GABRB2: variants seen among roughly 807,000 people sequenced by gnomAD.
GABRB2 encodes the protein gamma-aminobutyric acid receptor subunit beta-2.
A neutral mutation model predicts 54.7 loss-of-function variants in GABRB2; 16 were observed. That is an observed-to-expected ratio of 0.29 (90% CI 0.20 to 0.44). The LOEUF (loss-of-function observed/expected upper bound fraction) is 0.44, where lower values mean the gene tolerates loss of function less well. Among genes scored for constraint, GABRB2 ranks in the 20% least tolerant of loss-of-function variants. The pLI, the probability that GABRB2 is intolerant of heterozygous loss-of-function variation, is 1.00. For synonymous variants in GABRB2, 244 were observed against 233.8 expected (o/e 1.04, Z -0.40); for missense variants, 355 against 644.0 (o/e 0.55, Z 4.86).
At chr5:161,449,721 C>A (rs1410134861) in intron 4 of GABRB2, among the ~76,000 whole-genome samples, 1 of 151,908 alleles carries the variant, frequency 6.6e-6, no homozygotes, top group African/African-American at 2.4e-5. Context: ...CAAATATATA[C>A]AAACATATCT....
At chr5:161,432,145 C>A (rs1279457120) in intron 4 of GABRB2, among the ~76,000 whole-genome samples, 5 of 152,178 alleles carry the variant, frequency 3.3e-5, no homozygotes, top group African/African-American at 1.2e-4. Flanking sequence ...TGCAGTTTCT[C>A]TCAGTCTCCA....
intron 4 of GABRB2, among the ~76,000 whole-genome samples, chr5:161,439,417 G>C (rs1757397389): frequency 6.6e-6 from 1 of 151,780 alleles, no homozygotes. Flanking sequence ...ACTTCCATCA[G>C]AAAAAAGGCC....
chr5:161,326,443 A>T lies in GABRB2; in HGVS notation c.1116T>A (p.Tyr372Ter), dbSNP rs1385758814. 6.2e-7 allele frequency: 1 copy of T among 1,613,696 alleles called. No homozygotes were observed. The highest frequency in any genetic ancestry group is 1.1e-5 in the South Asian group (1 of 91,056). ...TTCCAGTAGGGTCCCACAAGGATCG[A>T]TATTGGGTCCCATTTTGTTTAATAT... is the stretch of plus-strand genomic sequence containing the variant. Reference protein sequence around the residue: ...YKDIKQNGTQYRSLWDPTGNL... With the variant: ...YKDIKQNGTQ The change falls in exon 9 of 10, where the codon TAT becomes TAA. Residue 372 changes from tyrosine (Y) to a stop codon, truncating the protein, a stop_gained. Transcript: ENST00000393959. LOFTEE classifies it high-confidence loss of function.
chr5:161,298,323 T>A lies in GABRB2; in HGVS notation c.1192-3895A>T, dbSNP rs552214984. On this transcript the variant is annotated intron_variant, in intron 9 of 9. Transcript: ENST00000393959. Reference sequence around the variant, plus strand: ...AATTTTGGCTTTTGTTGCCATTACTTTTGGCATTTTAATCATGAAATCTTT... The same window carrying A: ...AATTTTGGCTTTTGTTGCCATTACTATTGGCATTTTAATCATGAAATCTTT... 3.3e-5 allele frequency among the ~76,000 whole-genome samples: 5 copies of A among 152,334 alleles called. No homozygotes were observed. In the South Asian group the frequency reaches 1.0e-3, roughly 32 times the overall value.
chr5:161,405,164 C>G (rs1181120716), intron 5 of GABRB2, among the ~76,000 whole-genome samples: 1 of 152,022 alleles, frequency 6.6e-6, no homozygotes, highest in Admixed American at 6.6e-5. Flanking sequence ...CCACTGCCAT[C>G]CTTCCTAGCC....
intron 4 of GABRB2, among the ~76,000 whole-genome samples, chr5:161,423,251 TTTGTG>T (rs1756901174): frequency 6.6e-6 from 1 of 152,166 alleles, no homozygotes. Context: ...CTTAAACTGT[TTTGTG>T]TTGGGAAAAA....
intron 3 of GABRB2, among the ~76,000 whole-genome samples, chr5:161,460,150 T>C (rs1758075318): frequency 1.3e-5 from 2 of 152,178 alleles, no homozygotes; most frequent in Non-Finnish European, 2.9e-5. Flanking sequence ...TTCACCATGT[T>C]GGACAGGCTG....
At chr5:161,414,223 G>A (rs530842382) in intron 4 of GABRB2, among the ~76,000 whole-genome samples, 3 of 152,256 alleles carry the variant, frequency 2.0e-5, no homozygotes, top group East Asian at 1.9e-4. Context: ...TCATATGGTC[G>A]ATGATGAGTA....
intron 4 of GABRB2, 52 bp downstream of exon 4, chr5:161,459,572 T>G (rs1319791080): frequency 7.1e-7 from 1 of 1,398,604 alleles, no homozygotes; most frequent in African/African-American, 1.4e-5. Flanking sequence ...CAATGAAAAT[T>G]AACAGCTATT....
At chr5:161,419,044 CTGAGCCTTGGAGATCAAGGCTGCAG>C (rs1756768777) in intron 4 of GABRB2, among the ~76,000 whole-genome samples, 2 of 152,096 alleles carry the variant, frequency 1.3e-5, no homozygotes, top group African/African-American at 2.4e-5. Flanking sequence ...GGAGGATCAC[CTGAGCCTTGGAGATCAAGGCTGCAG>C]TGAGCCTTGG....
chr5:161,542,372 T>C (rs1399299939), intron 3 of GABRB2, among the ~76,000 whole-genome samples: 4 of 152,302 alleles, frequency 2.6e-5, no homozygotes, highest in South Asian at 4.1e-4. Flanking sequence ...AAATGCAATG[T>C]TTGCAAGGCA....
At chr5:161,393,622 T>C (rs967007163) in intron 5 of GABRB2, among the ~76,000 whole-genome samples, 1 of 152,066 alleles carries the variant, frequency 6.6e-6, no homozygotes, top group Non-Finnish European at 1.5e-5. Flanking sequence ...TAATATCCTA[T>C]AAAATGCACT....
intron 9 of GABRB2, among the ~76,000 whole-genome samples, chr5:161,312,714 C>A (rs796287034): frequency 2.0e-5 from 3 of 152,094 alleles, no homozygotes; most frequent in South Asian, 4.1e-4. Flanking sequence ...AGCATCGAGT[C>A]GTTTTGGAAA....
intron 9 of GABRB2, among the ~76,000 whole-genome samples, chr5:161,315,107 A>C (rs1757983812): frequency 1.3e-5 from 2 of 152,140 alleles, no homozygotes; most frequent in Admixed American, 6.6e-5. Flanking sequence ...AAATAGGCAA[A>C]ATATTACTGC....
At chr5:161,478,791 T>G (rs1758669196) in intron 3 of GABRB2, among the ~76,000 whole-genome samples, 1 of 152,018 alleles carries the variant, frequency 6.6e-6, no homozygotes, top group Admixed American at 6.6e-5. Context: ...GACTATTTTA[T>G]TTTTTCCTTC....
chr5:161,364,193 T>TAC (rs200984329), intron 5 of GABRB2, among the ~76,000 whole-genome samples: 9 of 152,184 alleles, frequency 5.9e-5, no homozygotes, highest in South Asian at 2.1e-4. Flanking sequence ...TATTTATGAT[T>TAC]ACACACACAC....
At chr5:161,314,557 G>T (rs891150931) in intron 9 of GABRB2, among the ~76,000 whole-genome samples, 1 of 152,102 alleles carries the variant, frequency 6.6e-6, no homozygotes, top group Non-Finnish European at 1.5e-5. Context: ...CTTGCTGGAG[G>T]TATTGTACTT....
intron 4 of GABRB2, among the ~76,000 whole-genome samples, chr5:161,414,696 T>C (rs1417089573): frequency 6.6e-6 from 1 of 151,972 alleles, no homozygotes. Context: ...CTTTGATAAG[T>C]ACCTGGCACA....
chr5:161,356,487 C>A lies in GABRB2; in HGVS notation c.542-19718G>T, dbSNP rs551755359. ...ATGTCCTCATGTTTGGCATGGCTAA[C>A]TTTCCCTGGGTGGACATCTGTTTTA... On this transcript the variant is annotated intron_variant, in intron 5 of 9. Coordinates refer to ENST00000393959, the MANE Select transcript of GABRB2 (RefSeq NM_001371727.1). Among the ~76,000 whole-genome samples, 4 of 152,258 alleles carry A rather than the reference C, an allele frequency of 2.6e-5. No individual in the cohort carries two copies. The East Asian group carries it at 5.8e-4, about 22-fold the overall frequency.
Sources: gnomAD v4.1 joint callset for allele counts (sites outside exome capture counted in the v4.1 genomes callset) on GRCh38, gnomAD v4.1.1 for gene constraint, MANE v1.5 for transcripts, NCBI Gene and HGNC (gene_info 2026-07-23, HGNC 2026-07-21) for gene names.